Variants in ROBO2 observed in about 807,000 individuals in gnomAD.
ROBO2 encodes the protein roundabout guidance receptor 2.
In ROBO2, 53 loss-of-function variants were observed where a neutral mutation model predicts 160.8. The ratio of observed to expected loss-of-function variants is 0.33; its 90% CI spans 0.26 to 0.41. The LOEUF (loss-of-function observed/expected upper bound fraction) is 0.41, where lower values mean the gene tolerates loss of function less well. Ranked by LOEUF, ROBO2 falls within the 10% of genes least tolerant of loss-of-function variation. The pLI is 1.00. For synonymous variants in ROBO2, 664 were observed against 611.7 expected, an observed-to-expected ratio of 1.09 and a Z score of -1.26; for missense variants, 1,577 against 1,722.4, an observed-to-expected ratio of 0.92 and a Z score of 1.49.
intron 2 of ROBO2, among the ~76,000 whole-genome samples, chr3:75,991,500 C>T (rs1380018727): frequency 6.6e-6 from 1 of 152,140 alleles, no homozygotes; most frequent in Non-Finnish European, 1.5e-5. Flanking sequence ...ATCTTCTCCT[C>T]CTTGCCTTCC....
At chr3:76,027,899 A>G (rs538266065) in intron 2 of ROBO2, among the ~76,000 whole-genome samples, 19 of 151,976 alleles carry the variant, frequency 1.3e-4, no homozygotes, top group Non-Finnish European at 2.4e-4. Flanking sequence ...AATACTTTAG[A>G]CAGATGAGGG....
At chr3:76,935,088 A>C (rs1453943027) in intron 2 of ROBO2, among the ~76,000 whole-genome samples, 1 of 151,878 alleles carries the variant, frequency 6.6e-6, no homozygotes, top group Non-Finnish European at 1.5e-5. Flanking sequence ...AGTAACTAGG[A>C]CTATAGGCAC....
intron 2 of ROBO2, among the ~76,000 whole-genome samples, chr3:76,552,327 G>A (rs992044246): frequency 2.6e-5 from 4 of 152,172 alleles, no homozygotes; most frequent in African/African-American, 9.6e-5. Context: ...CATAATTCAT[G>A]AAGAGAAATC....
chr3:76,308,492 T>C (rs1347315194), intron 2 of ROBO2, among the ~76,000 whole-genome samples: 2 of 152,170 alleles, frequency 1.3e-5, no homozygotes, highest in East Asian at 3.9e-4. Context: ...GCTTTGAACT[T>C]GTAATAAGTT....
intron 13 of ROBO2, among the ~76,000 whole-genome samples, 196 bp downstream of exon 14, chr3:77,568,630 C>T (rs1234526657): frequency 1.3e-5 from 2 of 152,008 alleles, no homozygotes; most frequent in Non-Finnish European, 2.9e-5. Flanking sequence ...ATTATATAAA[C>T]ATGGCATATC....
At chr3:77,266,972 G>T (rs1289323985) in intron 2 of ROBO2, among the ~76,000 whole-genome samples, 1 of 152,016 alleles carries the variant, frequency 6.6e-6, no homozygotes, top group Non-Finnish European at 1.5e-5. Flanking sequence ...CTGATGAGCT[G>T]TTCCAATATT....
chr3:77,250,895 C>T (rs954352332), intron 2 of ROBO2, among the ~76,000 whole-genome samples: 4 of 152,162 alleles, frequency 2.6e-5, no homozygotes, highest in African/African-American at 9.7e-5. Flanking sequence ...ATGACTTAAT[C>T]TCTTCTGAAA....
At position 76,434,587 on chromosome 3, in the gene ROBO2, T is replaced by G. The variant is rs901698445; in HGVS notation, c.109+496985T>G. 8 of 1,581,396 alleles carry G rather than the reference T, an allele frequency of 5.1e-6. No individual in the cohort carries two copies. The East Asian group carries it at 8.9e-5, about 18-fold the overall frequency. ...TACGGACAGAGCTGCAGGCTTACAT[T>G]AAGGAGTTCCATACCACTGGACTGC... On this transcript the variant is annotated intron_variant, in intron 2 of 26. Coordinates refer to the ROBO2 transcript ENST00000487694.
exon 26 of ROBO2, chr3:77,649,490 C>T (rs981295625): frequency 2.0e-5 from 3 of 152,138 alleles, no homozygotes; most frequent in African/African-American, 4.8e-5. Context: ...TATGCAGAAA[C>T]ATAATATTCA....
At chr3:75,993,290 G>A (rs1169534400) in intron 2 of ROBO2, among the ~76,000 whole-genome samples, 1 of 152,074 alleles carries the variant, frequency 6.6e-6, no homozygotes, top group African/African-American at 2.4e-5. Flanking sequence ...TCATGGGGGT[G>A]GATCTTTCTT....
intron 2 of ROBO2, among the ~76,000 whole-genome samples, chr3:76,940,094 G>C (rs567256808): frequency 3.1e-4 from 46 of 146,924 alleles, no homozygotes; most frequent in Non-Finnish European, 6.7e-4. Context: ...CCATTCTCCT[G>C]CCTCAGCCTC....
chr3:76,447,489 C>G (rs1223390785), intron 2 of ROBO2, among the ~76,000 whole-genome samples: 1 of 147,778 alleles, frequency 6.8e-6, no homozygotes, highest in Non-Finnish European at 1.5e-5. Flanking sequence ...TGTGGCGATT[C>G]CTCAGGGATC....
chr3:76,963,601 T>G (rs1244853048), intron 2 of ROBO2, among the ~76,000 whole-genome samples: 1 of 152,084 alleles, frequency 6.6e-6, no homozygotes, highest in Non-Finnish European at 1.5e-5. Flanking sequence ...ATATTAGCTC[T>G]GTGTAAACTT....
chr3:77,209,013 C>A (rs924751773), intron 2 of ROBO2, among the ~76,000 whole-genome samples: 1 of 152,118 alleles, frequency 6.6e-6, no homozygotes, highest in African/African-American at 2.4e-5. Context: ...TCATTTCTGA[C>A]AATTTATAAA....
chr3:76,909,135 G>A (rs2075805579), intron 2 of ROBO2, among the ~76,000 whole-genome samples: 1 of 152,152 alleles, frequency 6.6e-6, no homozygotes, highest in Non-Finnish European at 1.5e-5. Flanking sequence ...GCTAAGGCAG[G>A]AGCATTGCCT....
intron 2 of ROBO2, among the ~76,000 whole-genome samples, chr3:76,699,533 C>G (rs6778328): frequency 1.8e-4 from 28 of 152,288 alleles, no homozygotes; most frequent in African/African-American, 6.5e-4. Context: ...AAATCTCCTT[C>G]TAACCCGTGC....
At chr3:76,186,920 A>C (rs1185675270) in intron 2 of ROBO2, among the ~76,000 whole-genome samples, 1 of 150,342 alleles carries the variant, frequency 6.7e-6, no homozygotes, top group East Asian at 2.2e-4. Flanking sequence ...GAATCCTTAC[A>C]TTCATATTGA....
chr3:76,749,956 C>G (rs1464966326), intron 2 of ROBO2, among the ~76,000 whole-genome samples: 1 of 152,102 alleles, frequency 6.6e-6, no homozygotes, highest in Non-Finnish European at 1.5e-5. Flanking sequence ...CTGAGGCCAG[C>G]ATCATCCTGA....
chr3:76,693,048 C>G (rs1461806471), intron 2 of ROBO2, among the ~76,000 whole-genome samples: 1 of 147,794 alleles, frequency 6.8e-6, no homozygotes, highest in Non-Finnish European at 1.5e-5. Flanking sequence ...GTCTCTCTCC[C>G]TATATATATA....
Sources: allele counts gnomAD v4.1 joint callset (sites outside exome capture counted in the v4.1 genomes callset), GRCh38; gene constraint gnomAD v4.1.1; transcripts MANE v1.5; gene names NCBI Gene and HGNC (gene_info 2026-07-23, HGNC 2026-07-21).